Variants in ASH1L observed in about 807,000 individuals in gnomAD.
ASH1L encodes ASH1 like histone lysine methyltransferase, also known as histone-lysine N-methyltransferase ASH1L.
Under a neutral mutation model 269.0 loss-of-function variants are expected in ASH1L, and 23 were observed. The ratio of observed to expected loss-of-function variants is 0.09; its 90% CI spans 0.06 to 0.12. The LOEUF is 0.12. Among genes scored for constraint, ASH1L ranks in the 10% least tolerant of loss-of-function variants. The probability of loss-of-function intolerance (pLI) is 1.00; values close to 1 mark genes in which losing one functional copy is unlikely to be tolerated. For synonymous variants in ASH1L, 1,187 were observed against 1,253.5 expected (o/e 0.95, Z 1.12); for missense variants, 2,912 against 3,567.8 (o/e 0.82, Z 4.68).
At position 155,350,927 on chromosome 1, in the gene ASH1L, AAAAAG is replaced by A. The variant is rs1371466350; in HGVS notation, c.7367-1336_7367-1332del. Reference sequence around the variant, plus strand: ...CAGAACAGGACTCCGTCCTAAAAAAAAAAAGAAAAAGAAAAAGAAAAAAAAAAAGA... The same window carrying A: ...CAGAACAGGACTCCGTCCTAAAAAAAAAAAAGAAAAAGAAAAAAAAAAAGA... On this transcript the variant is annotated intron_variant, in intron 17 of 27. Transcript: ENST00000392403. Among the ~76,000 whole-genome samples the A allele has an allele frequency of 3.1e-3, 462 of 149,498 alleles. 3 individuals carry two copies. The highest frequency in any genetic ancestry group is 0.011 in the African/African-American group (441 of 40,592).
chr1:155,538,606 T>C (rs569119348), intron 1 of ASH1L, among the ~76,000 whole-genome samples: 129 of 150,526 alleles, frequency 8.6e-4, no homozygotes, highest in African/African-American at 3.1e-3. Context: ...CCTTCCAAAG[T>C]GCTGGGATTA....
chr1:155,556,480 T>C (rs1179623644), intron 1 of ASH1L, among the ~76,000 whole-genome samples: 2 of 151,936 alleles, frequency 1.3e-5, no homozygotes, highest in Non-Finnish European at 2.9e-5. Context: ...AGTTTCACTC[T>C]GTCACCCAGG....
intron 2 of ASH1L, among the ~76,000 whole-genome samples, chr1:155,494,022 A>G (rs1666988177): frequency 6.6e-6 from 1 of 152,232 alleles, no homozygotes; most frequent in Admixed American, 6.5e-5. Context: ...AGAGAAAATA[A>G]GTAAAATATT....
rs1428513096 is a variant in ASH1L at position 155,521,437 on chromosome 1, G to A, written c.83C>T (p.Thr28Ile). 6.2e-7 allele frequency: 1 copy of A among 1,613,678 alleles called. No individual in the cohort carries two copies. Among genetic ancestry groups the A allele is most frequent in the African/African-American group, 1.3e-5 (1 of 74,834 alleles). Reference sequence around the variant, plus strand: ...TTCTCTCTTACTGACCAATGTGCCAGTACTGATGGCAGAAGGACTCTTTCT... The same window carrying A: ...TTCTCTCTTACTGACCAATGTGCCAATACTGATGGCAGAAGGACTCTTTCT... Reference protein sequence around the residue: ...FSRKSPSAISTGTLVSKREVE... With the variant: ...FSRKSPSAISIGTLVSKREVE... The change falls in exon 2 of 28, where the codon ACT (threonine) becomes ATT (isoleucine). Residue 28 changes from threonine to isoleucine, a missense_variant. Thr to Ile is a moderately conservative substitution (Grantham distance 89). This residue lies in a region of ASH1L where 115 missense variants were observed against 101.5 expected (regional missense o/e 1.13). Coordinates refer to ENST00000392403, the MANE Select transcript of ASH1L (RefSeq NM_018489.3).
chr1:155,528,357 G>A lies in ASH1L; in HGVS notation c.-99-6739C>T, dbSNP rs1200285151. 2.0e-5 allele frequency among the ~76,000 whole-genome samples: 3 copies of A among 151,864 alleles called. No homozygotes were observed. In the East Asian group the frequency reaches 5.8e-4, roughly 29 times the overall value. On this transcript the variant is annotated intron_variant, in intron 1 of 27. Transcript: ENST00000392403. ...CAGCTTTACCTTCAAAATGTATGCA[G>A]AATCTAACCAGTTGTCATTACTCTG...
chr1:155,406,117 T>C (rs1025752351), intron 6 of ASH1L, among the ~76,000 whole-genome samples: 2 of 150,486 alleles, frequency 1.3e-5, no homozygotes, highest in African/African-American at 2.5e-5. Flanking sequence ...CAGAAGAGAA[T>C]TGCTTAAACC....
At chr1:155,415,949 T>C in intron 5 of ASH1L, 26 bp from the exon 6 acceptor site, 1 of 1,456,996 alleles carries the variant, frequency 6.9e-7, no homozygotes, top group Non-Finnish European at 9.1e-7. Flanking sequence ...TAAAGATAAT[T>C]TTATTATGAA....
intron 2 of ASH1L, among the ~76,000 whole-genome samples, chr1:155,502,699 C>T (rs1374423757): frequency 2.0e-5 from 3 of 152,178 alleles, no homozygotes; most frequent in African/African-American, 4.8e-5. Flanking sequence ...GTTCAGGGAA[C>T]GTTTCACAGA....
intron 2 of ASH1L, among the ~76,000 whole-genome samples, chr1:155,496,791 A>T (rs1667183767): frequency 1.3e-5 from 2 of 151,408 alleles, no homozygotes; most frequent in Non-Finnish European, 2.9e-5. Flanking sequence ...AGCATGTGCA[A>T]TCACGCTTGG....
In ASH1L at chr1:155,336,524, A is replaced by G. The variant is rs1652331066; in HGVS notation, c.*1136T>C. The stretch of plus-strand genomic sequence containing the variant: ...CAAAGCTTTTTAAATTTTATTTTTA[A>G]AGAGACAGTATAGTCTGTTAACTTC... On this transcript the variant is annotated 3_prime_UTR_variant, in exon 28 of 28. Coordinates refer to ENST00000392403, the MANE Select transcript of ASH1L (RefSeq NM_018489.3). 1 of 152,640 alleles carries G rather than the reference A, an allele frequency of 6.6e-6. No homozygotes were observed. The highest frequency in any genetic ancestry group is 1.5e-5 in the Non-Finnish European group (1 of 68,002). The allele number at this position is 152,640 out of a possible 1,614,324, so 9.5% of individuals were successfully genotyped here.
intron 7 of ASH1L, among the ~76,000 whole-genome samples, chr1:155,386,838 A>G (rs959254769): frequency 3.3e-5 from 5 of 152,348 alleles, no homozygotes; most frequent in African/African-American, 1.2e-4. Context: ...TTTGCTGCGC[A>G]GAAGTTCATA....
chr1:155,350,223 G>A (rs1396928871), intron 17 of ASH1L, among the ~76,000 whole-genome samples: 2 of 152,010 alleles, frequency 1.3e-5, no homozygotes, highest in East Asian at 3.9e-4. Context: ...GTTTCACCAT[G>A]TTGGCCAGGA....
At position 155,558,141 on chromosome 1, in the gene ASH1L, C is replaced by T. The variant is rs371211984; in HGVS notation, c.-100+4012G>A. On this transcript the variant is annotated intron_variant, in intron 1 of 27. Transcript: ENST00000392403. ...CAGAATAAAGACTCAAGTGGAATTG[C>T]TAATACTATAAAGACACAGTACCTA... Among the ~76,000 whole-genome samples the T allele has an allele frequency of 5.9e-5, 9 of 152,204 alleles. No individual in the cohort carries two copies. The South Asian group carries it at 1.9e-3, about 32-fold the overall frequency.
chr1:155,380,852 C>T (rs1209781202), intron 7 of ASH1L, among the ~76,000 whole-genome samples: 2 of 150,292 alleles, frequency 1.3e-5, no homozygotes, highest in Non-Finnish European at 3.0e-5. Flanking sequence ...GTTGGTCAGG[C>T]TGGTCTTGAA....
At chr1:155,517,122 C>G (rs1349947782) in intron 2 of ASH1L, among the ~76,000 whole-genome samples, 2 of 152,276 alleles carry the variant, frequency 1.3e-5, no homozygotes, top group East Asian at 3.9e-4. Flanking sequence ...TATGGAATCT[C>G]AAGGAACCCC....
intron 6 of ASH1L, among the ~76,000 whole-genome samples, chr1:155,411,587 A>T (rs1466461286): frequency 7.2e-5 from 1 of 13,950 alleles, no homozygotes; most frequent in Non-Finnish European, 1.5e-4. Flanking sequence ...AAATAAATAA[A>T]TATATATATA....
At chr1:155,465,497 A>C (rs1257589520) in intron 3 of ASH1L, among the ~76,000 whole-genome samples, 1 of 152,180 alleles carries the variant, frequency 6.6e-6, no homozygotes. Context: ...AATGCTAGAA[A>C]TATCTTTGGG....
intron 4 of ASH1L, among the ~76,000 whole-genome samples, chr1:155,451,550 A>G (rs1663469891): frequency 6.6e-6 from 1 of 152,088 alleles, no homozygotes; most frequent in South Asian, 2.1e-4. Flanking sequence ...ACCTGAGGTC[A>G]GGAGTTCAAG....
In ASH1L at chr1:155,562,448, C is replaced by T; in HGVS notation, c.-395G>A. The T allele has an allele frequency of 6.8e-7, 1 of 1,468,566 alleles. No individual in the cohort carries two copies. Among genetic ancestry groups the T allele is most frequent in the Non-Finnish European group, 9.2e-7 (1 of 1,083,768 alleles). The allele number at this position is 1,468,566 out of a possible 1,614,324, so 91.0% of individuals were successfully genotyped here. On this transcript the variant is annotated 5_prime_UTR_variant, in exon 1 of 28. Coordinates refer to ENST00000392403, the MANE Select transcript of ASH1L (RefSeq NM_018489.3). Reference sequence around the variant, plus strand: ...GGAGCGGCGGCGGCGGCGGCGGCAGCAGCAGAGTGGCGGCGGTGGCGGCGG... The same window carrying T: ...GGAGCGGCGGCGGCGGCGGCGGCAGTAGCAGAGTGGCGGCGGTGGCGGCGG...
Sources: allele counts gnomAD v4.1 joint callset (sites outside exome capture counted in the v4.1 genomes callset), GRCh38; gene constraint gnomAD v4.1.1; regional missense constraint gnomAD v4.1.1; transcripts MANE v1.5; gene names NCBI Gene and HGNC (gene_info 2026-07-23, HGNC 2026-07-21).